RASA3: variants seen among roughly 807,000 people sequenced by gnomAD.
RASA3 encodes the protein RAS p21 protein activator 3, also known as ras GTPase-activating protein 3.
RASA3 carries 73 observed loss-of-function variants against 110.0 expected under a neutral mutation model. That is an observed-to-expected ratio of 0.66 (90% confidence interval 0.55 to 0.81). The LOEUF (loss-of-function observed/expected upper bound fraction) is 0.81. Among genes scored for constraint, RASA3 ranks in the 30% least tolerant of loss-of-function variants. RASA3 has a pLI of 0.00. For missense variants in RASA3, 976 were observed against 1,113.2 expected (o/e 0.88, Z 1.75); for synonymous variants, 500 against 451.4 (o/e 1.11, Z -1.37).
chr13:114,032,389 C>G (rs946863570), intron 4 of RASA3, among the ~76,000 whole-genome samples: 1 of 152,168 alleles, frequency 6.6e-6, no homozygotes, highest in Non-Finnish European at 1.5e-5. Context: ...GGCCACACGT[C>G]GTGATGTCTG....
rs199689682 is a variant in RASA3 at position 113,996,621 on chromosome 13, G to C, written c.2051C>G (p.Thr684Ser). ...CAGGTAGGCGGACGGGTGGTAGACG[G>C]TGAGGCGCTTCTGGTTGCACTGGCT... ...KVSQCNQKRL[T>S]VYHPSAYLSG... The change falls in exon 21 of 24, where the codon ACC becomes AGC. Residue 684 changes from threonine to serine, a missense_variant. By Grantham distance (58) the Thr-to-Ser change is moderately conservative. Transcript: ENST00000334062. The C allele has an allele frequency of 6.2e-7, 1 of 1,613,726 alleles. No individual in the cohort carries two copies. Among genetic ancestry groups the C allele is most frequent in the Middle Eastern group, 1.7e-4 (1 of 6,060 alleles).
At position 114,112,099 on chromosome 13, in the gene RASA3, A is replaced by ACCCCCC. The variant is rs112367486; in HGVS notation, c.55+20330_55+20335dup. Among the ~76,000 whole-genome samples, 9 of 149,236 alleles carry ACCCCCC rather than the reference A, an allele frequency of 6.0e-5. No homozygotes were observed. The highest frequency in any genetic ancestry group is 2.1e-4 in the South Asian group (1 of 4,684). ...TCCCTGGAAACAGCAGCCCCCAGGC[A>ACCCCCC]CCCCCCCCAGCAACTGGGACAAGGG... On this transcript the variant is annotated intron_variant, in intron 1 of 23. Coordinates refer to ENST00000334062, the MANE Select transcript of RASA3 (RefSeq NM_007368.4). The surrounding 1 kb of genome is among the most constrained non-coding windows in gnomAD (Gnocchi z 4.8).
chr13:114,009,580 G>A, intron 16 of RASA3, 116 bp from the exon 17 acceptor site: 1 of 728,128 alleles, frequency 1.4e-6, no homozygotes, highest in South Asian at 1.6e-5. Flanking sequence ...AACAGGCAAA[G>A]AACCCGGTGT....
chr13:114,060,062 T>C (rs1004506034), intron 2 of RASA3, among the ~76,000 whole-genome samples: 1 of 152,078 alleles, frequency 6.6e-6, no homozygotes, highest in Admixed American at 6.5e-5. Context: ...AGGGAACGCA[T>C]GAATGAGGCC....
In RASA3 at chr13:114,011,265, A is replaced by G. The variant is rs529512885; in HGVS notation, c.1513-17T>C. ...CTGGGGGTCCTGGGGAGGCGGGAGCAAGAAAGGTCTATGTCAGCATCACAG... is the reference window on the plus strand; with the variant it reads ...CTGGGGGTCCTGGGGAGGCGGGAGCGAGAAAGGTCTATGTCAGCATCACAG... On this transcript the variant is annotated splice_polypyrimidine_tract_variant and intron_variant, in intron 15 of 23. Transcript: ENST00000334062. The surrounding 1 kb of genome is among the most constrained non-coding windows in gnomAD (Gnocchi z 4.8). 3.0e-5 allele frequency: 48 copies of G among 1,601,518 alleles called. 1 individual carries two copies. The South Asian group carries it at 5.0e-4, about 17-fold the overall frequency.
At chr13:114,105,273 G>A (rs1482481270) in intron 1 of RASA3, among the ~76,000 whole-genome samples, 9 of 152,074 alleles carry the variant, frequency 5.9e-5, no homozygotes, top group South Asian at 4.2e-4. Context: ...CCCAGCAGCC[G>A]CCAGCCCTCT....
chr13:114,082,784 C>T (rs1262244981), intron 1 of RASA3, among the ~76,000 whole-genome samples: 4 of 152,198 alleles, frequency 2.6e-5, no homozygotes, highest in African/African-American at 9.7e-5. Context: ...GTTTAACAAC[C>T]TGGTTCTCTA....
rs774816267 is a variant in RASA3, at chr13:113,996,619, C to T, written c.2053G>A (p.Val685Ile). 1.5e-5 allele frequency: 24 copies of T among 1,613,568 alleles called. No individual in the cohort carries two copies. The highest frequency in any genetic ancestry group is 1.6e-4 in the Middle Eastern group (1 of 6,082). ...CTCAGGTAGGCGGACGGGTGGTAGACGGTGAGGCGCTTCTGGTTGCACTGG... is the reference window on the plus strand; with the variant it reads ...CTCAGGTAGGCGGACGGGTGGTAGATGGTGAGGCGCTTCTGGTTGCACTGG... ...VSQCNQKRLT[V>I]YHPSAYLSGH... The change falls in exon 21 of 24, where the codon GTC becomes ATC. Residue 685 changes from valine (V) to isoleucine (I), a missense_variant. By Grantham distance (29) the Val-to-Ile change is conservative. This residue lies in a region of RASA3 where 109 missense variants were observed against 162.5 expected (regional missense o/e 0.67). Coordinates refer to ENST00000334062, the MANE Select transcript of RASA3 (RefSeq NM_007368.4).
At chr13:114,044,621 G>A (rs771255412) in intron 3 of RASA3, among the ~76,000 whole-genome samples, 3 of 142,866 alleles carry the variant, frequency 2.1e-5, no homozygotes, top group East Asian at 4.2e-4. Flanking sequence ...TCTGACGACC[G>A]CTGCGTGGCT....
chr13:114,053,304 A>G (rs188697384), intron 2 of RASA3, among the ~76,000 whole-genome samples: 158 of 152,350 alleles, frequency 1.0e-3, no homozygotes, highest in South Asian at 6.4e-3. Flanking sequence ...CAACCCCAAT[A>G]AAGAAGCAGA....
At chr13:114,123,776 T>G (rs536110829) in intron 1 of RASA3, among the ~76,000 whole-genome samples, 2 of 152,268 alleles carry the variant, frequency 1.3e-5, no homozygotes, top group South Asian at 4.1e-4. Flanking sequence ...ACGGCCCCCA[T>G]GCAGGTCCTA....
intron 16 of RASA3, among the ~76,000 whole-genome samples, chr13:114,010,884 T>C (rs910673082): frequency 8.4e-6 from 1 of 118,960 alleles, no homozygotes; most frequent in Admixed American, 9.2e-5. Context: ...CTGCCTGGCC[T>C]GTTCAGCCGC....
intron 1 of RASA3, among the ~76,000 whole-genome samples, chr13:114,129,493 A>G (rs1415787113): frequency 2.6e-5 from 4 of 152,306 alleles, no homozygotes; most frequent in Admixed American, 6.5e-5. Context: ...CCCAATGTCA[A>G]CGTCTGAATG....
At chr13:114,077,808 TCTC>T (rs1249428511) in intron 1 of RASA3, 3 of 983,078 alleles carry the variant, frequency 3.1e-6, no homozygotes, top group South Asian at 4.7e-5. Flanking sequence ...TTTACCTCCT[TCTC>T]CTTGCTCACT....
chr13:114,025,130 C>A (rs1472262294), intron 7 of RASA3, among the ~76,000 whole-genome samples: 7 of 152,362 alleles, frequency 4.6e-5, no homozygotes, highest in African/African-American at 1.4e-4. Context: ...CTCCCTGCCC[C>A]CCCTTCTCCG....
intron 3 of RASA3, among the ~76,000 whole-genome samples, chr13:114,042,301 G>A (rs902700556): frequency 6.6e-6 from 1 of 152,192 alleles, no homozygotes; most frequent in Non-Finnish European, 1.5e-5. Context: ...TGCGGACCAC[G>A]CCACCCACCA....
Position 113,996,635 on chromosome 13 carries a change from G to A in RASA3, c.2037C>T (p.Asn679=). The A allele has an allele frequency of 6.2e-7, 1 of 1,613,784 alleles. No homozygotes were observed. Among genetic ancestry groups the A allele is most frequent in the Non-Finnish European group, 8.5e-7 (1 of 1,180,028 alleles). ...IDILTKVSQC[N]QKRLTVYHPS... is the part of the protein sequence containing the mutation. The stretch of plus-strand genomic sequence containing the variant: ...GGTGGTAGACGGTGAGGCGCTTCTG[G>A]TTGCACTGGCTCACTTTGGTGAGAA... The change falls in exon 21 of 24, where the codon AAC becomes AAT. Residue 679 remains asparagine, a synonymous_variant. Transcript: ENST00000334062.
At chr13:114,038,297 C>A (rs987616242) in intron 4 of RASA3, among the ~76,000 whole-genome samples, 2 of 152,226 alleles carry the variant, frequency 1.3e-5, no homozygotes, top group Non-Finnish European at 2.9e-5. Context: ...CCGGGCAGCA[C>A]GTGGGAAACC....
Position 114,027,447 on chromosome 13 carries a change from T to G in RASA3, c.545A>C (p.Lys182Thr). 1 of 1,612,314 alleles carries G rather than the reference T, an allele frequency of 6.2e-7. No homozygotes were observed. The highest frequency in any genetic ancestry group is 1.1e-5 in the South Asian group (1 of 91,028). ...LAGPFRSEAK[K>T]TKVKRKTNNP... ...GTTGGTCTTCCTCTTCACTTTCGTC[T>G]TCTTTGCTTCTGATCTGTTATCAAG... The change falls in exon 7 of 24, where the codon AAG becomes ACG. Residue 182 changes from lysine (K) to threonine (T), a missense_variant. Physicochemically the swap from Lys to Thr is moderately conservative, Grantham distance 78 (BLOSUM62 -1). This residue lies in a region of RASA3 where 732 missense variants were observed against 779.7 expected (regional missense o/e 0.94). Transcript: ENST00000334062.
Sources: allele counts gnomAD v4.1 joint callset (sites outside exome capture counted in the v4.1 genomes callset), GRCh38; gene constraint gnomAD v4.1.1; regional missense constraint gnomAD v4.1.1; non-coding constraint Gnocchi (gnomAD v3.1); transcripts MANE v1.5; gene names NCBI Gene and HGNC (gene_info 2026-07-23, HGNC 2026-07-21).